Variants in CNIH3 observed in about 807,000 individuals in gnomAD.
CNIH3 encodes protein cornichon homolog 3.
Under a neutral mutation model 24.1 loss-of-function variants are expected in CNIH3, and 14 were observed. That is an observed-to-expected ratio of 0.58 (90% CI 0.38 to 0.91). CNIH3 has a LOEUF of 0.91. CNIH3 is among the 40% of genes least tolerant of loss of function. The pLI is 0.00. For missense variants in CNIH3, 178 were observed against 196.8 expected, an observed-to-expected ratio of 0.90 and a Z score of 0.57; for synonymous variants, 68 against 73.8, an observed-to-expected ratio of 0.92 and a Z score of 0.40.
intron 2 of CNIH3, among the ~76,000 whole-genome samples, chr1:224,683,025 A>G (rs1317594532): frequency 6.6e-6 from 1 of 152,248 alleles, no homozygotes; most frequent in Non-Finnish European, 1.5e-5. Context: ...GACAGAATGA[A>G]GAAAATCAGG....
chr1:224,657,963 T>G (rs1352467586), intron 1 of CNIH3, among the ~76,000 whole-genome samples: 1 of 152,140 alleles, frequency 6.6e-6, no homozygotes. Context: ...AGATCAGAAA[T>G]TTAGGAATTT....
intron 1 of CNIH3, among the ~76,000 whole-genome samples, chr1:224,634,389 T>C (rs568886537): frequency 3.9e-5 from 6 of 152,024 alleles, no homozygotes; most frequent in Non-Finnish European, 8.8e-5. Context: ...GCCAACATAG[T>C]GAAACCCCGT....
chr1:224,697,313 G>T lies in CNIH3; in HGVS notation c.198+12470G>T, dbSNP rs781766213. Among the ~76,000 whole-genome samples, 3 of 152,146 alleles carry T rather than the reference G, an allele frequency of 2.0e-5. No individual in the cohort carries two copies. The East Asian group carries it at 5.8e-4, about 29-fold the overall frequency. ...TCCTGCTGCCTTTGTCCCGCCCCCC[G>T]GAATTTCTGAAGTGCAGCTTGGCAC... On this transcript the variant is annotated intron_variant, in intron 3 of 5. Coordinates refer to ENST00000272133, the MANE Select transcript of CNIH3 (RefSeq NM_152495.2).
chr1:224,456,158 T>C (rs2102974003), intron 1 of CNIH3, among the ~76,000 whole-genome samples: 1 of 152,292 alleles, frequency 6.6e-6, no homozygotes, highest in East Asian at 1.9e-4. Context: ...GATTGAAACA[T>C]GCATAATATG....
intron 2 of CNIH3, among the ~76,000 whole-genome samples, chr1:224,524,041 A>T (rs1678745375): frequency 6.6e-6 from 1 of 152,206 alleles, no homozygotes. Flanking sequence ...GTACTAAGTT[A>T]TAAACTTCTT....
intron 3 of CNIH3, among the ~76,000 whole-genome samples, chr1:224,710,408 C>G (rs1279486904): frequency 6.6e-6 from 1 of 152,164 alleles, no homozygotes; most frequent in Non-Finnish European, 1.5e-5. Context: ...GGTCTTCGTT[C>G]AAGTCCTTAG....
intron 3 of CNIH3, among the ~76,000 whole-genome samples, chr1:224,600,860 A>G (rs183262750): frequency 6.6e-6 from 1 of 152,318 alleles, no homozygotes; most frequent in Non-Finnish European, 1.5e-5. Flanking sequence ...AATATACCAG[A>G]GATCTCTCTT....
intron 4 of CNIH3, chr1:224,574,714 A>G: frequency 8.3e-7 from 1 of 1,202,678 alleles, no homozygotes; most frequent in Non-Finnish European, 1.2e-6. Flanking sequence ...GGAGCCTGCC[A>G]GAAGATGCTC....
chr1:224,638,298 G>A, intron 1 of CNIH3, among the ~76,000 whole-genome samples: 1 of 152,252 alleles, frequency 6.6e-6, no homozygotes, highest in East Asian at 1.9e-4. Flanking sequence ...ACCATGGGGA[G>A]ATTCCCAAGG....
intron 1 of CNIH3, among the ~76,000 whole-genome samples, chr1:224,619,236 G>A (rs2125063776): frequency 6.6e-6 from 1 of 152,264 alleles, no homozygotes; most frequent in Admixed American, 6.5e-5. Flanking sequence ...TTCAAGAACA[G>A]CTTCATTGAG....
intron 4 of CNIH3, 180 bp downstream of exon 4, chr1:224,730,754 G>A (rs1042982799): frequency 1.9e-6 from 1 of 539,294 alleles, no homozygotes; most frequent in Non-Finnish European, 3.3e-6. Context: ...AATAAGGAAA[G>A]GCCCTTTTTG....
At chr1:224,658,684 C>G (rs1355129712) in intron 1 of CNIH3, among the ~76,000 whole-genome samples, 3 of 150,414 alleles carry the variant, frequency 2.0e-5, no homozygotes, top group African/African-American at 7.3e-5. Context: ...ACAGCAAAGA[C>G]AGCATGGGGC....
At chr1:224,447,550 A>C (rs1276431957) in intron 1 of CNIH3, among the ~76,000 whole-genome samples, 1 of 152,212 alleles carries the variant, frequency 6.6e-6, no homozygotes, top group Non-Finnish European at 1.5e-5. Context: ...CCAGTTCTCT[A>C]TTCCTTAATC....
upstream of CNIH3, among the ~76,000 whole-genome samples, chr1:224,513,268 C>G (rs1678232183): frequency 2.0e-5 from 3 of 150,190 alleles, no homozygotes; most frequent in South Asian, 4.2e-4. Flanking sequence ...AAGCAATCAT[C>G]CCACTGAGTA....
chr1:224,505,220 G>T (rs917823909), intron 1 of CNIH3, among the ~76,000 whole-genome samples: 7 of 151,550 alleles, frequency 4.6e-5, no homozygotes, highest in African/African-American at 1.5e-4. Flanking sequence ...GATTGTTTGA[G>T]CCCGGGAAGT....
chr1:224,706,410 C>T (rs990534223), intron 3 of CNIH3, among the ~76,000 whole-genome samples: 5 of 152,090 alleles, frequency 3.3e-5, no homozygotes, highest in Non-Finnish European at 7.3e-5. Flanking sequence ...TCCGGAGGGT[C>T]GCCTTTGATT....
upstream of CNIH3, among the ~76,000 whole-genome samples, chr1:224,512,426 A>G (rs1367052220): frequency 6.6e-6 from 1 of 152,196 alleles, no homozygotes; most frequent in Non-Finnish European, 1.5e-5. Context: ...GTTACAGTGA[A>G]CTATGATGGT....
chr1:224,565,880 G>C (rs1680560199), intron 3 of CNIH3: 1 of 152,150 alleles, frequency 6.6e-6, no homozygotes, highest in African/African-American at 2.4e-5. Context: ...TGGGTGCTCA[G>C]TGGTTGAGCA....
chr1:224,644,368 GC>G (rs980932479), intron 1 of CNIH3, among the ~76,000 whole-genome samples: 8 of 151,762 alleles, frequency 5.3e-5, no homozygotes, highest in African/African-American at 1.9e-4. Context: ...GTGCCTCCAC[GC>G]CCAGCTAATT....
Sources: allele counts gnomAD v4.1 joint callset (sites outside exome capture counted in the v4.1 genomes callset), GRCh38; gene constraint gnomAD v4.1.1; transcripts MANE v1.5; gene names NCBI Gene and HGNC (gene_info 2026-07-23, HGNC 2026-07-21).